CSMD2: variants seen among roughly 807,000 people sequenced by gnomAD.
The protein encoded by CSMD2 is CUB and Sushi multiple domains 2, also known as CUB and sushi domain-containing protein 2.
Under a neutral mutation model 398.5 loss-of-function variants are expected in CSMD2, and 130 were observed. The observed-to-expected ratio is 0.33, with a 90% CI of 0.28 to 0.38. The LOEUF is 0.38. Ranked by LOEUF, CSMD2 falls within the 10% of genes least tolerant of loss-of-function variation. The pLI, the probability that CSMD2 is intolerant of heterozygous loss-of-function variation, is 1.00. For missense variants in CSMD2, 3,829 were observed against 4,764.9 expected, an observed-to-expected ratio of 0.80 and a Z score of 5.78; for synonymous variants, 1,828 against 1,908.5, an observed-to-expected ratio of 0.96 and a Z score of 1.10.
At chr1:34,107,297 A>G (rs1660614733) in intron 1 of CSMD2, among the ~76,000 whole-genome samples, 1 of 152,216 alleles carries the variant, frequency 6.6e-6, no homozygotes, top group Non-Finnish European at 1.5e-5. Flanking sequence ...TATTTTGAAA[A>G]TAGTATTAAG....
At chr1:33,689,518 C>T (rs1645165678) in intron 25 of CSMD2, among the ~76,000 whole-genome samples, 1 of 152,114 alleles carries the variant, frequency 6.6e-6, no homozygotes, top group Non-Finnish European at 1.5e-5. Flanking sequence ...TAGAAAGGCG[C>T]CTCCTGTCTC....
chr1:33,854,129 C>T (rs1355233716), intron 5 of CSMD2, among the ~76,000 whole-genome samples: 2 of 152,206 alleles, frequency 1.3e-5, no homozygotes, highest in Non-Finnish European at 2.9e-5. Flanking sequence ...GTGTATCAGC[C>T]CCTGGCTCAG....
At chr1:33,703,620 G>A (rs1645681882) in intron 22 of CSMD2, among the ~76,000 whole-genome samples, 1 of 152,172 alleles carries the variant, frequency 6.6e-6, no homozygotes, top group East Asian at 1.9e-4. Context: ...TACAAACAAT[G>A]TAAGCATAAT....
chr1:34,029,838 A>G (rs1013375483), intron 3 of CSMD2, among the ~76,000 whole-genome samples: 7 of 152,180 alleles, frequency 4.6e-5, no homozygotes, highest in Non-Finnish European at 8.8e-5. Flanking sequence ...CTTAGTGCCA[A>G]TGACTTAGAC....
At position 33,810,783 on chromosome 1, in the gene CSMD2, G is replaced by T. The variant is rs745859854; in HGVS notation, c.1406C>A (p.Ala469Glu). The T allele has an allele frequency of 6.2e-7, 1 of 1,613,156 alleles. No homozygotes were observed. The highest frequency in any genetic ancestry group is 8.5e-7 in the Non-Finnish European group (1 of 1,179,576). ...PNFPIQYDNN[A>E]HCVWIITALN... ...TGCTGTGATGATCCACACACAGTGT[G>T]CATTGTTGTCATACTGAATGGGGAA... The change falls in exon 10 of 71, where the codon GCA (alanine) becomes GAA (glutamate). Residue 469 changes from alanine to glutamate, a missense_variant. Around this residue, in one of 5 missense-constraint regions of CSMD2, gnomAD observed 2,001 missense variants for 2,567.1 expected, o/e 0.78. Coordinates refer to ENST00000373381, the MANE Select transcript of CSMD2 (RefSeq NM_001281956.2).
intron 5 of CSMD2, among the ~76,000 whole-genome samples, chr1:33,879,027 C>T (rs985137139): frequency 6.6e-6 from 1 of 152,218 alleles, no homozygotes; most frequent in Non-Finnish European, 1.5e-5. Context: ...CCCTAAGCCA[C>T]AGGATGCAGA....
At chr1:33,889,812 G>A (rs1384709019) in intron 5 of CSMD2, among the ~76,000 whole-genome samples, 2 of 149,530 alleles carry the variant, frequency 1.3e-5, no homozygotes, top group Non-Finnish European at 3.0e-5. Context: ...TGTGTGTAAT[G>A]CCTAGGCTAA....
chr1:33,719,739 C>T (rs1241368660), intron 19 of CSMD2, among the ~76,000 whole-genome samples: 1 of 152,164 alleles, frequency 6.6e-6, no homozygotes, highest in African/African-American at 2.4e-5. Context: ...ACCTCAGGTT[C>T]CAGGTTCTTC....
intron 2 of CSMD2, among the ~76,000 whole-genome samples, chr1:34,057,920 G>T (rs1370183067): frequency 6.6e-6 from 1 of 152,166 alleles, no homozygotes; most frequent in African/African-American, 2.4e-5. Flanking sequence ...TGGGGGTTGG[G>T]GTGAGGAGGT....
chr1:33,897,762 G>A (rs909092254), intron 5 of CSMD2, among the ~76,000 whole-genome samples: 5 of 152,208 alleles, frequency 3.3e-5, no homozygotes, highest in Admixed American at 6.5e-5. Context: ...CTCACTGAGC[G>A]TCTTTGAGGG....
At chr1:33,708,920 T>C (rs1439037469) in intron 22 of CSMD2, among the ~76,000 whole-genome samples, 169 bp downstream of exon 22, 1 of 152,168 alleles carries the variant, frequency 6.6e-6, no homozygotes, top group Non-Finnish European at 1.5e-5. Context: ...TAGATACCCA[T>C]ATACCCCTCT....
intron 3 of CSMD2, among the ~76,000 whole-genome samples, chr1:34,020,440 A>G (rs1183535221): frequency 6.6e-6 from 1 of 152,198 alleles, no homozygotes; most frequent in African/African-American, 2.4e-5. Context: ...TGTCCATGAG[A>G]CGGGTCTCAG....
At chr1:34,032,463 A>T in intron 3 of CSMD2, 131 bp downstream of exon 3, 1 of 563,716 alleles carries the variant, frequency 1.8e-6, no homozygotes, top group Middle Eastern at 4.7e-4. Flanking sequence ...GTTAGTAACC[A>T]GCCTTGTCAG....
chr1:34,125,540 T>C (rs1402298706), intron 1 of CSMD2, among the ~76,000 whole-genome samples: 5 of 151,012 alleles, frequency 3.3e-5, no homozygotes, highest in East Asian at 2.0e-4. Flanking sequence ...TGTGTGTGTG[T>C]GTGTGTGTGT....
Position 34,165,185 on chromosome 1 carries a change from GA to G in CSMD2, c.-89del, listed in dbSNP as rs1189666227. The G allele has an allele frequency of 8.5e-7, 1 of 1,176,920 alleles. No homozygotes were observed. Among genetic ancestry groups the G allele is most frequent in the Non-Finnish European group, 1.0e-6 (1 of 952,828 alleles). 72.9% of individuals were successfully genotyped at this position (1,176,920 alleles called of 1,614,324 possible). A position where few individuals can be genotyped will look rare whatever the true frequency, so the allele number is the denominator to read the frequency against. Reference sequence around the variant, plus strand: ...GAGCTCTGGAGCTTTTTTCTGCTCGGAAAAAATCCCGGTACGCGGGAGCCCT... The same window carrying G: ...GAGCTCTGGAGCTTTTTTCTGCTCGGAAAAATCCCGGTACGCGGGAGCCCT... On this transcript the variant is annotated 5_prime_UTR_variant, in exon 1 of 71. Coordinates refer to ENST00000373381, the MANE Select transcript of CSMD2 (RefSeq NM_001281956.2).
chr1:33,823,520 G>A (rs1236259826), intron 7 of CSMD2, among the ~76,000 whole-genome samples: 1 of 152,128 alleles, frequency 6.6e-6, no homozygotes, highest in Non-Finnish European at 1.5e-5. Flanking sequence ...CTCTGGGAGG[G>A]CCACTATGGC....
intron 1 of CSMD2, among the ~76,000 whole-genome samples, chr1:34,137,243 T>A (rs1054578558): frequency 6.6e-6 from 1 of 152,004 alleles, no homozygotes; most frequent in Non-Finnish European, 1.5e-5. Flanking sequence ...TAGACTTACT[T>A]ATCTCTCTGG....
intron 2 of CSMD2, among the ~76,000 whole-genome samples, chr1:34,064,536 A>G (rs1465859039): frequency 6.6e-6 from 1 of 152,182 alleles, no homozygotes; most frequent in Non-Finnish European, 1.5e-5. Context: ...ATCCGAGACC[A>G]TCTCAGTCTG....
At chr1:33,950,527 G>A (rs1644976018) in intron 3 of CSMD2, among the ~76,000 whole-genome samples, 1 of 150,640 alleles carries the variant, frequency 6.6e-6, no homozygotes, top group Non-Finnish European at 1.5e-5. Flanking sequence ...GTGGGTATGT[G>A]GGTATGTGCA....
Sources: allele counts gnomAD v4.1 joint callset (sites outside exome capture counted in the v4.1 genomes callset), GRCh38; gene constraint gnomAD v4.1.1; regional missense constraint gnomAD v4.1.1; transcripts MANE v1.5; gene names NCBI Gene and HGNC (gene_info 2026-07-23, HGNC 2026-07-21).